The following ERC1 variants were observed in gnomAD, a reference collection of about 807,000 sequenced individuals.
The protein encoded by ERC1 is ELKS/RAB6-interacting/CAST family member 1.
A neutral mutation model predicts 132.0 loss-of-function variants in ERC1; 56 were observed. The observed-to-expected ratio is 0.42, with a 90% CI of 0.34 to 0.53. The LOEUF is 0.53. ERC1 is among the 20% of genes least tolerant of loss of function. The pLI, the probability that ERC1 is intolerant of heterozygous loss-of-function variation, is 0.03. For missense variants in ERC1, 1,202 were observed against 1,349.9 expected, an observed-to-expected ratio of 0.89 and a Z score of 1.72; for synonymous variants, 478 against 476.1, an observed-to-expected ratio of 1.00 and a Z score of -0.05.
At chr12:1,270,566 G>A (rs1350635627) in intron 14 of ERC1, among the ~76,000 whole-genome samples, 1 of 151,756 alleles carries the variant, frequency 6.6e-6, no homozygotes, top group Admixed American at 6.6e-5. Flanking sequence ...ACTAATAAAA[G>A]TATAAAAGTC....
At chr12:1,441,063 A>AT (rs144536959) in intron 17 of ERC1, among the ~76,000 whole-genome samples, 5,586 of 145,446 alleles carry the variant, frequency 0.038, 128 homozygotes, top group Non-Finnish European at 0.045. Flanking sequence ...CTGTTTGAAA[A>AT]TTTTTTTTTT....
At chr12:1,239,587 G>A (rs1026343392) in intron 13 of ERC1, among the ~76,000 whole-genome samples, 2 of 152,142 alleles carry the variant, frequency 1.3e-5, no homozygotes, top group Non-Finnish European at 2.9e-5. Flanking sequence ...GCAGGATGGT[G>A]TACACGTACG....
intron 14 of ERC1, among the ~76,000 whole-genome samples, chr12:1,275,970 A>C (rs556335242): frequency 6.6e-6 from 1 of 152,126 alleles, no homozygotes; most frequent in Non-Finnish European, 1.5e-5. Context: ...TTTCTTTATA[A>C]TATTATTCAG....
chr12:1,488,888 C>T lies in ERC1; in HGVS notation c.3214-1205C>T, dbSNP rs116049415. ...GTTCCTTTCCACGTCCCTGGCCCTC[C>T]CTTGCATCAGCCTTGCCTAACCCCC... is the stretch of plus-strand genomic sequence containing the variant. On this transcript the variant is annotated intron_variant, in intron 18 of 18. Transcript: ENST00000360905. Among the ~76,000 whole-genome samples, 1,325 of 152,304 alleles carry T rather than the reference C, an allele frequency of 8.7e-3. 27 individuals are homozygous for T. The highest frequency in any genetic ancestry group is 0.03 in the African/African-American group (1,255 of 41,564).
intron 7 of ERC1, among the ~76,000 whole-genome samples, chr12:1,123,334 G>A (rs1038030995): frequency 3.3e-5 from 5 of 152,130 alleles, no homozygotes; most frequent in African/African-American, 1.2e-4. Flanking sequence ...AAATGTGATA[G>A]CATGTGGACA....
chr12:1,267,198 G>A (rs1233971772), intron 14 of ERC1, among the ~76,000 whole-genome samples: 1 of 152,268 alleles, frequency 6.6e-6, no homozygotes, highest in Admixed American at 6.5e-5. Flanking sequence ...GAAGATGGAA[G>A]TGAATGATCC....
At chr12:1,001,421 C>G (rs773033851) in intron 1 of ERC1, among the ~76,000 whole-genome samples, 4 of 152,164 alleles carry the variant, frequency 2.6e-5, no homozygotes, top group East Asian at 1.9e-4. Flanking sequence ...TAAAGCTTTA[C>G]AATTTATGAA....
intron 12 of ERC1, among the ~76,000 whole-genome samples, chr12:1,194,843 AAT>A (rs1352984953): frequency 6.6e-6 from 1 of 152,058 alleles, no homozygotes; most frequent in African/African-American, 2.4e-5. Flanking sequence ...TCCAAAGAAT[AAT>A]AGAGTCTATT....
chr12:1,018,017 T>C (rs1965792881), intron 1 of ERC1, among the ~76,000 whole-genome samples: 1 of 152,226 alleles, frequency 6.6e-6, no homozygotes, highest in Admixed American at 6.5e-5. Context: ...TAGTCTGTTT[T>C]TGAGCTTATG....
rs57997956 is a variant in ERC1, at chr12:1,122,561, C to A, written c.1569+6528C>A. On this transcript the variant is annotated intron_variant, in intron 7 of 18. Coordinates refer to ENST00000360905, the MANE Select transcript of ERC1 (RefSeq NM_178040.4). ...TCTCTATCTGTGTCTCTATCTCTAT[C>A]TCTATCTGTGTCTCTATCTCTATCT... Among the ~76,000 whole-genome samples the A allele has an allele frequency of 3.6e-4, 8 of 22,220 alleles. 2 individuals are homozygous for A. Among genetic ancestry groups the A allele is most frequent in the African/African-American group, 1.0e-3 (6 of 5,976 alleles). The allele number at this position is 22,220 out of a possible 152,430, so 14.6% of individuals were successfully genotyped here.
At chr12:1,352,315 A>C (rs1470083300) in intron 15 of ERC1, among the ~76,000 whole-genome samples, 4 of 152,190 alleles carry the variant, frequency 2.6e-5, no homozygotes, top group African/African-American at 9.7e-5. Flanking sequence ...TGAACCAGCA[A>C]GGGCAAAAGG....
At chr12:1,320,913 G>A (rs2082075049) in intron 15 of ERC1, among the ~76,000 whole-genome samples, 1 of 152,188 alleles carries the variant, frequency 6.6e-6, no homozygotes, top group South Asian at 2.1e-4. Context: ...GTGTTAGCCA[G>A]GATGGTCTTG....
intron 18 of ERC1, among the ~76,000 whole-genome samples, chr12:1,462,481 G>C (rs1372194588): frequency 6.6e-6 from 1 of 152,102 alleles, no homozygotes; most frequent in Non-Finnish European, 1.5e-5. Flanking sequence ...ATCATTAATG[G>C]AATACTACTC....
intron 1 of ERC1, among the ~76,000 whole-genome samples, chr12:1,008,839 T>C (rs946301553): frequency 1.3e-5 from 2 of 152,174 alleles, no homozygotes; most frequent in African/African-American, 2.4e-5. Flanking sequence ...TCCCGTGAAA[T>C]AAGAATAAAA....
Position 1,408,143 on chromosome 12 carries a change from TC to T in ERC1, c.2926-4del, listed in dbSNP as rs779416814. Reference sequence around the variant, plus strand: ...AAATTTAACCTTATGAATAATTTCTTCCTAGACGCAAAATCGAATGAAGCTA... The same window carrying T: ...AAATTTAACCTTATGAATAATTTCTTCTAGACGCAAAATCGAATGAAGCTA... On this transcript the variant is annotated splice_polypyrimidine_tract_variant and splice_region_variant and intron_variant, in intron 16 of 18. Coordinates refer to ENST00000360905, the MANE Select transcript of ERC1 (RefSeq NM_178040.4). The T allele has an allele frequency of 3.5e-5, 56 of 1,608,996 alleles. No individual in the cohort carries two copies. Among genetic ancestry groups the T allele is most frequent in the Middle Eastern group, 3.3e-4 (2 of 6,070 alleles).
chr12:1,440,244 G>A (rs1298831606), intron 17 of ERC1, among the ~76,000 whole-genome samples: 31 of 124,502 alleles, frequency 2.5e-4, no homozygotes, highest in Non-Finnish European at 3.4e-4. Flanking sequence ...TTGCTCTGTC[G>A]CCCAGGCTGG....
chr12:990,390 G>A (rs1204685646), upstream of ERC1: 3 of 151,914 alleles, frequency 2.0e-5, no homozygotes, highest in East Asian at 5.8e-4. Flanking sequence ...CAAAACCAAA[G>A]CCGGCTGCGA....
intron 16 of ERC1, among the ~76,000 whole-genome samples, chr12:1,394,027 A>AC (rs1555389318): frequency 3.4e-5 from 4 of 117,086 alleles, no homozygotes; most frequent in Non-Finnish European, 5.4e-5. Context: ...AAAAAAAAAA[A>AC]AAAAAACAAA....
In ERC1 at chr12:1,241,847, C is replaced by CTTTTTTTTTT. The variant is rs57016547; in HGVS notation, c.2487+4961_2487+4970dup. Among the ~76,000 whole-genome samples, 62 of 80,514 alleles carry CTTTTTTTTTT rather than the reference C, an allele frequency of 7.7e-4. 1 individual carries two copies. The highest frequency in any genetic ancestry group is 1.5e-3 in the East Asian group (4 of 2,670). 52.8% of individuals were successfully genotyped at this position (80,514 alleles called of 152,430 possible). ...CCAATTTTTTGCATTTCTTCTTCTT[C>CTTTTTTTTTT]TTTTTTTTTTTTTTTTTTTTTTTTT... On this transcript the variant is annotated intron_variant, in intron 13 of 18. Coordinates refer to ENST00000360905, the MANE Select transcript of ERC1 (RefSeq NM_178040.4).
Sources: gnomAD v4.1 joint callset for allele counts (sites outside exome capture counted in the v4.1 genomes callset) on GRCh38, gnomAD v4.1.1 for gene constraint, MANE v1.5 for transcripts, NCBI Gene and HGNC (gene_info 2026-07-23, HGNC 2026-07-21) for gene names.